Variants in PARD3 observed in about 807,000 individuals in gnomAD.
The protein encoded by PARD3 is par-3 family cell polarity regulator, also known as partitioning defective 3 homolog.
Under a neutral mutation model 155.4 loss-of-function variants are expected in PARD3, and 75 were observed. The observed-to-expected ratio is 0.48, with a 90% CI of 0.40 to 0.58. PARD3 has a LOEUF of 0.58. Among genes scored for constraint, PARD3 ranks in the 20% least tolerant of loss-of-function variants. The pLI is 0.00. For synonymous variants in PARD3, 576 were observed against 610.5 expected, an observed-to-expected ratio of 0.94 and a Z score of 0.83; for missense variants, 1,642 against 1,721.7, an observed-to-expected ratio of 0.95 and a Z score of 0.82.
chr10:34,731,565 G>C (rs2094818070), intron 1 of PARD3, among the ~76,000 whole-genome samples: 1 of 152,124 alleles, frequency 6.6e-6, no homozygotes, highest in African/African-American at 2.4e-5. Flanking sequence ...TAAAATAAAA[G>C]TACTTATTTG....
At chr10:34,611,895 C>T (rs1380583861) in intron 2 of PARD3, among the ~76,000 whole-genome samples, 2 of 148,708 alleles carry the variant, frequency 1.3e-5, no homozygotes, top group South Asian at 4.4e-4. Context: ...CTGCAAGCTC[C>T]GCCTCCCAGG....
chr10:34,455,807 A>G (rs1190157731), intron 4 of PARD3, among the ~76,000 whole-genome samples: 1 of 152,174 alleles, frequency 6.6e-6, no homozygotes, highest in East Asian at 1.9e-4. Context: ...TCTATTCCTA[A>G]GTATAATGAA....
intron 1 of PARD3, among the ~76,000 whole-genome samples, chr10:34,795,563 C>A (rs910798373): frequency 3.3e-5 from 5 of 152,064 alleles, no homozygotes; most frequent in African/African-American, 1.2e-4. Flanking sequence ...AGTGAGCTGA[C>A]TGCACCACTG....
At chr10:34,551,134 CATTGCTTGGCTATGCATA>C (rs1177662102) in intron 2 of PARD3, among the ~76,000 whole-genome samples, 1 of 152,180 alleles carries the variant, frequency 6.6e-6, no homozygotes, top group Non-Finnish European at 1.5e-5. Flanking sequence ...TTATAGGACA[CATTGCTTGGCTATGCATA>C]GTTGGATATG....
intron 5 of PARD3, among the ~76,000 whole-genome samples, chr10:34,427,054 G>T: frequency 6.6e-6 from 1 of 152,168 alleles, no homozygotes; most frequent in South Asian, 2.1e-4. Flanking sequence ...TGTAAGCTGA[G>T]GATGTATGTC....
At chr10:34,524,691 T>C (rs927102110) in intron 2 of PARD3, among the ~76,000 whole-genome samples, 3 of 152,204 alleles carry the variant, frequency 2.0e-5, no homozygotes, top group African/African-American at 7.2e-5. Context: ...ACCCATGAGG[T>C]TACAACTACA....
At chr10:34,460,382 T>C (rs377529673) in intron 4 of PARD3, among the ~76,000 whole-genome samples, 1 of 152,068 alleles carries the variant, frequency 6.6e-6, no homozygotes, top group Non-Finnish European at 1.5e-5. Context: ...AAAAATTAAA[T>C]ACAAAAGTGC....
At position 34,499,077 on chromosome 10, in the gene PARD3, T is replaced by C. The variant is rs564611335; in HGVS notation, c.403+17902A>G. ...CATACAGCAGCCAAGTTCCTGAGAA[T>C]AAAAGTATGCCCCCAATGGTTACTC... On this transcript the variant is annotated intron_variant, in intron 3 of 24. Transcript: ENST00000374788. 2.6e-5 allele frequency among the ~76,000 whole-genome samples: 4 copies of C among 152,276 alleles called. No homozygotes were observed. In the East Asian group the frequency reaches 7.7e-4, roughly 29 times the overall value.
intron 23 of PARD3, among the ~76,000 whole-genome samples, chr10:34,120,410 TAGA>T (rs1269215492): frequency 3.3e-5 from 5 of 151,968 alleles, no homozygotes; most frequent in Non-Finnish European, 7.4e-5. Flanking sequence ...TTCCAAAAAC[TAGA>T]AGATGTTAAT....
intron 1 of PARD3, among the ~76,000 whole-genome samples, chr10:34,717,664 G>A (rs140377482): frequency 1.1e-3 from 175 of 152,226 alleles, no homozygotes; most frequent in African/African-American, 4.0e-3. Context: ...GGAGAAGAGC[G>A]TCCACGTGGC....
At chr10:34,402,402 C>T (rs1020874682) in intron 5 of PARD3, among the ~76,000 whole-genome samples, 37 of 152,168 alleles carry the variant, frequency 2.4e-4, no homozygotes, top group African/African-American at 8.9e-4. Flanking sequence ...TTTCTCAGTT[C>T]TTGATTCCTG....
chr10:34,112,905 G>T (rs772019990), intron 24 of PARD3, among the ~76,000 whole-genome samples: 20 of 152,134 alleles, frequency 1.3e-4, no homozygotes, highest in Non-Finnish European at 2.6e-4. Flanking sequence ...TCTTTTAACG[G>T]AAGACTGCAC....
At position 34,110,992 on chromosome 10, in the gene PARD3, A is replaced by G. The variant is rs1178207368; in HGVS notation, c.*177T>C. On this transcript the variant is annotated 3_prime_UTR_variant, in exon 25 of 25. Transcript: ENST00000374788. ...CTTCCATGAAACAGACACTTGAGAC[A>G]TAGTGGCAAAGACATTAAGGCCTTC... 4 of 576,426 alleles carry G rather than the reference A, an allele frequency of 6.9e-6. No homozygotes were observed. The East Asian group carries it at 1.1e-4, about 16-fold the overall frequency. 35.7% of individuals were successfully genotyped at this position (576,426 alleles called of 1,614,324 possible).
intron 1 of PARD3, among the ~76,000 whole-genome samples, chr10:34,754,676 T>C (rs1292489487): frequency 1.3e-5 from 2 of 152,238 alleles, no homozygotes; most frequent in Non-Finnish European, 2.9e-5. Context: ...CAGGCTTCTC[T>C]GAACAAATTG....
In PARD3 at chr10:34,743,031, T is replaced by C. The variant is rs149203728; in HGVS notation, c.121-46612A>G. On this transcript the variant is annotated intron_variant, in intron 1 of 24. Coordinates refer to ENST00000374788, the MANE Select transcript of PARD3 (RefSeq NM_001184785.2). ...AGAAAGGAACGTAATATCTAATTCA[T>C]TGGATTATAAATTCATATGTTGAAG... Among the ~76,000 whole-genome samples the C allele has an allele frequency of 2.4e-3, 369 of 152,346 alleles. 1 individual carries two copies. The highest frequency in any genetic ancestry group is 8.4e-3 in the African/African-American group (348 of 41,572).
At chr10:34,769,686 A>T (rs1487923073) in intron 1 of PARD3, among the ~76,000 whole-genome samples, 2 of 151,632 alleles carry the variant, frequency 1.3e-5, no homozygotes, top group South Asian at 2.1e-4. Flanking sequence ...TGAGCCCAGG[A>T]GGTCAAGGCT....
intron 22 of PARD3, among the ~76,000 whole-genome samples, chr10:34,140,963 T>TAAC (rs1488833125): frequency 2.6e-5 from 4 of 152,244 alleles, no homozygotes; most frequent in Non-Finnish European, 4.4e-5. Context: ...TACTGGTATG[T>TAAC]AAGTCTAAAC....
In PARD3 at chr10:34,324,269, C is replaced by T. The variant is rs533682592; in HGVS notation, c.2833+6848G>A. Among the ~76,000 whole-genome samples the T allele has an allele frequency of 4.6e-5, 7 of 152,252 alleles. No individual in the cohort carries two copies. In the South Asian group the frequency reaches 1.5e-3, roughly 32 times the overall value. On this transcript the variant is annotated intron_variant, in intron 19 of 24. Coordinates refer to ENST00000374788, the MANE Select transcript of PARD3 (RefSeq NM_001184785.2). ...TCCCAAAAGCGAATGTTCTTACCTA[C>T]CATGAAACATAATCTATATTGAGTG...
At chr10:34,154,412 G>C (rs753783593) in intron 22 of PARD3, among the ~76,000 whole-genome samples, 51 of 152,184 alleles carry the variant, frequency 3.4e-4, no homozygotes, top group Non-Finnish European at 6.6e-4. Flanking sequence ...CGCCCACACT[G>C]CAGCTTTCCT....
Sources: gnomAD v4.1 joint callset for allele counts (sites outside exome capture counted in the v4.1 genomes callset) on GRCh38, gnomAD v4.1.1 for gene constraint, MANE v1.5 for transcripts, NCBI Gene and HGNC (gene_info 2026-07-23, HGNC 2026-07-21) for gene names.